The following CPA6 variants were observed in gnomAD, a reference collection of about 807,000 sequenced individuals.
The protein encoded by CPA6 is carboxypeptidase B.
CPA6 carries 58 observed loss-of-function variants against 63.3 expected under a neutral mutation model. That is an observed-to-expected ratio of 0.92 (90% CI 0.74 to 1.14). The LOEUF (loss-of-function observed/expected upper bound fraction) is 1.14. CPA6 is among the 50% of genes most tolerant of loss of function. The pLI, the probability that CPA6 is intolerant of heterozygous loss-of-function variation, is 0.00. For missense variants in CPA6, 565 were observed against 526.6 expected, an observed-to-expected ratio of 1.07 and a Z score of -0.71; for synonymous variants, 185 against 179.0, an observed-to-expected ratio of 1.03 and a Z score of -0.27.
chr8:67,726,756 G>C (rs188493824), intron 1 of CPA6, among the ~76,000 whole-genome samples: 12 of 152,310 alleles, frequency 7.9e-5, no homozygotes, highest in African/African-American at 2.6e-4. Flanking sequence ...AAGCCGAAAG[G>C]CCTCGAGCAC....
chr8:67,696,389 T>C (rs1172276258), intron 1 of CPA6, among the ~76,000 whole-genome samples: 1 of 152,186 alleles, frequency 6.6e-6, no homozygotes, highest in Non-Finnish European at 1.5e-5. Flanking sequence ...TTAAAAAGAT[T>C]GACAATATCA....
At chr8:67,434,565 C>T (rs896884573) in intron 8 of CPA6, among the ~76,000 whole-genome samples, 4 of 152,328 alleles carry the variant, frequency 2.6e-5, no homozygotes, top group South Asian at 2.1e-4. Context: ...AAGTGTTCAA[C>T]AGGTATTTGT....
At chr8:67,742,796 C>T (rs1817936793) in intron 1 of CPA6, among the ~76,000 whole-genome samples, 1 of 152,152 alleles carries the variant, frequency 6.6e-6, no homozygotes, top group Non-Finnish European at 1.5e-5. Context: ...GGCAGTTAAA[C>T]TTCAGACTTA....
intron 8 of CPA6, among the ~76,000 whole-genome samples, chr8:67,475,871 CTTT>C (rs1563967906): frequency 1.1e-3 from 89 of 79,846 alleles, no homozygotes; most frequent in East Asian, 3.2e-3. Flanking sequence ...TTCTTTCTTT[CTTT>C]CTTTCTCCTT....
At chr8:67,560,552 G>C (rs1197659342) in intron 2 of CPA6, among the ~76,000 whole-genome samples, 1 of 152,132 alleles carries the variant, frequency 6.6e-6, no homozygotes, top group Non-Finnish European at 1.5e-5. Context: ...AGGGAGCAGA[G>C]GCACAAGGGT....
chr8:67,657,657 A>T (rs1196795094), intron 1 of CPA6, among the ~76,000 whole-genome samples: 1 of 152,204 alleles, frequency 6.6e-6, no homozygotes, highest in Non-Finnish European at 1.5e-5. Context: ...GTTTCTTTAA[A>T]CCTAGAAGGT....
intron 1 of CPA6, among the ~76,000 whole-genome samples, chr8:67,646,423 G>T (rs1183668580): frequency 1.3e-5 from 2 of 152,092 alleles, no homozygotes; most frequent in East Asian, 3.9e-4. Flanking sequence ...TTTGCCTATT[G>T]GCTTCATGGG....
chr8:67,494,497 T>C (rs1332942916), intron 6 of CPA6, among the ~76,000 whole-genome samples: 1 of 152,190 alleles, frequency 6.6e-6, no homozygotes, highest in African/African-American at 2.4e-5. Context: ...GCACCAGCCA[T>C]GGCTTGAGAT....
chr8:67,545,085 AT>A (rs1210487233), intron 2 of CPA6, among the ~76,000 whole-genome samples: 6 of 152,186 alleles, frequency 3.9e-5, no homozygotes, highest in Middle Eastern at 3.2e-3. Context: ...GAGTATAAGG[AT>A]TTTTGGAATA....
chr8:67,576,917 C>T (rs651461), intron 2 of CPA6, among the ~76,000 whole-genome samples: 60,452 of 150,710 alleles, frequency 0.4, 13,079 homozygotes, highest in East Asian at 0.54. Flanking sequence ...GGCTGGAATG[C>T]GGTGGCACGA....
chr8:67,641,911 A>T (rs1815600584), intron 1 of CPA6, among the ~76,000 whole-genome samples: 1 of 152,256 alleles, frequency 6.6e-6, no homozygotes, highest in South Asian at 2.1e-4. Flanking sequence ...ATTTCTATAC[A>T]TTAGCAACAT....
intron 1 of CPA6, among the ~76,000 whole-genome samples, chr8:67,713,099 G>GTGTGTGTGTATATATA (rs1328463977): frequency 2.5e-4 from 14 of 55,032 alleles, no homozygotes; most frequent in African/African-American, 1.0e-3. Context: ...GTGTGTGTGT[G>GTGTGTGTGTATATATA]TATATATATA....
intron 2 of CPA6, among the ~76,000 whole-genome samples, chr8:67,524,203 T>G (rs1295642575): frequency 2.0e-5 from 3 of 152,238 alleles, no homozygotes; most frequent in Non-Finnish European, 4.4e-5. Context: ...CCTCCAAGTT[T>G]AGGTCAAGGT....
intron 1 of CPA6, among the ~76,000 whole-genome samples, chr8:67,728,540 T>C (rs1469459811): frequency 6.6e-6 from 1 of 152,222 alleles, no homozygotes; most frequent in Non-Finnish European, 1.5e-5. Context: ...TTTGATAGAC[T>C]AAATAAATTG....
At chr8:67,513,440 G>A (rs535581533) in intron 3 of CPA6, among the ~76,000 whole-genome samples, 10 of 151,952 alleles carry the variant, frequency 6.6e-5, no homozygotes, top group Non-Finnish European at 1.0e-4. Flanking sequence ...TTATATTACC[G>A]TCACCAAAAT....
chr8:67,722,899 T>C (rs1485008426), intron 1 of CPA6, among the ~76,000 whole-genome samples: 4 of 151,880 alleles, frequency 2.6e-5, no homozygotes, highest in Admixed American at 2.6e-4. Flanking sequence ...ATTTTAATGT[T>C]AAAGGGAGAA....
intron 1 of CPA6, among the ~76,000 whole-genome samples, chr8:67,663,947 C>T (rs566150013): frequency 1.3e-5 from 2 of 152,236 alleles, no homozygotes; most frequent in South Asian, 2.1e-4. Context: ...AATGGAAACC[C>T]CTTCCAAGAT....
rs149190256 is a variant in CPA6, at chr8:67,617,182, G to A, written c.192+6994C>T. 3.2e-4 allele frequency among the ~76,000 whole-genome samples: 48 copies of A among 152,060 alleles called. 1 individual carries two copies. In the East Asian group the frequency reaches 7.0e-3, roughly 22 times the overall value. Reference sequence around the variant, plus strand: ...AAATAAAGGATCACTGGGGTAGATCGTCATCATCATAACATGGTAGAGGGT... The same window carrying A: ...AAATAAAGGATCACTGGGGTAGATCATCATCATCATAACATGGTAGAGGGT... On this transcript the variant is annotated intron_variant, in intron 2 of 10. Transcript: ENST00000297770.
chr8:67,514,855 C>A (rs911939674), intron 3 of CPA6, among the ~76,000 whole-genome samples: 1 of 152,214 alleles, frequency 6.6e-6, no homozygotes, highest in Non-Finnish European at 1.5e-5. Context: ...AAAGCTACAA[C>A]AATGACTAAA....
Sources: allele counts gnomAD v4.1 joint callset (sites outside exome capture counted in the v4.1 genomes callset), GRCh38; gene constraint gnomAD v4.1.1; transcripts MANE v1.5; gene names NCBI Gene and HGNC (gene_info 2026-07-23, HGNC 2026-07-21).